Variants in KCND3 observed in about 807,000 individuals in gnomAD.
KCND3 encodes the protein potassium voltage-gated channel subfamily D member 3.
In KCND3, 9 loss-of-function variants were observed where a neutral mutation model predicts 51.1. The ratio of observed to expected loss-of-function variants is 0.18; its 90% CI spans 0.11 to 0.31. KCND3 has a LOEUF of 0.31. Among genes scored for constraint, KCND3 ranks in the 10% least tolerant of loss-of-function variants. KCND3 has a pLI of 1.00. For missense variants in KCND3, 526 were observed against 903.8 expected (o/e 0.58, Z 5.36); for synonymous variants, 349 against 368.0 (o/e 0.95, Z 0.59).
chr1:111,986,540 C>G (rs560019622), intron 1 of KCND3, among the ~76,000 whole-genome samples: 1 of 152,318 alleles, frequency 6.6e-6, no homozygotes, highest in African/African-American at 2.4e-5. Flanking sequence ...CAGTTTCAGT[C>G]CCATCCTCAA....
At chr1:111,976,523 T>TATCAAG (rs1674635838) in intron 2 of KCND3, among the ~76,000 whole-genome samples, 2 of 152,358 alleles carry the variant, frequency 1.3e-5, no homozygotes, top group South Asian at 4.1e-4. Flanking sequence ...GAACAAATAC[T>TATCAAG]TATTGAGACA....
intron 2 of KCND3, among the ~76,000 whole-genome samples, chr1:111,811,852 C>T (rs1039723087): frequency 1.3e-5 from 2 of 152,172 alleles, no homozygotes; most frequent in Non-Finnish European, 2.9e-5. Context: ...AGTTTGGGGC[C>T]TGGAGAATTT....
chr1:111,804,251 T>C (rs1485418569), intron 2 of KCND3, among the ~76,000 whole-genome samples: 1 of 152,266 alleles, frequency 6.6e-6, no homozygotes, highest in Non-Finnish European at 1.5e-5. Context: ...TCTTTAGCCC[T>C]GGCAGCATGC....
chr1:111,824,610 G>T (rs1666494110), intron 2 of KCND3, among the ~76,000 whole-genome samples: 1 of 152,074 alleles, frequency 6.6e-6, no homozygotes, highest in Non-Finnish European at 1.5e-5. Context: ...ACATAGAAAT[G>T]GACCCTCTTG....
At chr1:111,792,188 G>A (rs1263775744) in intron 2 of KCND3, among the ~76,000 whole-genome samples, 1 of 152,246 alleles carries the variant, frequency 6.6e-6, no homozygotes, top group African/African-American at 2.4e-5. Context: ...GGGAATGGAA[G>A]AATGGAAAGG....
At chr1:111,841,262 A>T (rs1266077366) in intron 2 of KCND3, among the ~76,000 whole-genome samples, 1 of 152,194 alleles carries the variant, frequency 6.6e-6, no homozygotes, top group Non-Finnish European at 1.5e-5. Context: ...TGGCTCACAG[A>T]TTCAGACAAG....
At chr1:111,811,976 C>T (rs1665873218) in intron 2 of KCND3, among the ~76,000 whole-genome samples, 1 of 152,176 alleles carries the variant, frequency 6.6e-6, no homozygotes, top group Non-Finnish European at 1.5e-5. Context: ...CCAGTGAGAG[C>T]ATTCCTTGCA....
At chr1:111,973,724 C>T (rs114506788) in intron 2 of KCND3, among the ~76,000 whole-genome samples, 187 of 152,348 alleles carry the variant, frequency 1.2e-3, no homozygotes, top group African/African-American at 3.8e-3. Flanking sequence ...AAGAATGGAG[C>T]CAGCCTCCCA....
At chr1:111,824,328 C>G (rs1453551336) in intron 2 of KCND3, among the ~76,000 whole-genome samples, 6 of 152,160 alleles carry the variant, frequency 3.9e-5, no homozygotes, top group Admixed American at 3.9e-4. Flanking sequence ...AAATCACCCT[C>G]CCTCCCTGAC....
intron 2 of KCND3, among the ~76,000 whole-genome samples, chr1:111,790,211 G>A (rs1664769579): frequency 6.6e-6 from 1 of 152,150 alleles, no homozygotes; most frequent in Non-Finnish European, 1.5e-5. Flanking sequence ...TTACCAACTA[G>A]TTAAGTGACC....
At chr1:111,802,522 C>T (rs147661292) in intron 2 of KCND3, among the ~76,000 whole-genome samples, 29 of 152,320 alleles carry the variant, frequency 1.9e-4, no homozygotes, top group African/African-American at 6.5e-4. Flanking sequence ...AGCTTTAGAT[C>T]CTTCAGCTGT....
At position 111,921,997 on chromosome 1, in the gene KCND3, G is replaced by A. The variant is rs749305469; in HGVS notation, c.1106+59624C>T. 9.2e-5 allele frequency among the ~76,000 whole-genome samples: 14 copies of A among 152,244 alleles called. No homozygotes were observed. In the East Asian group the frequency reaches 9.6e-4, roughly 10 times the overall value. ...AAGCAATGATTTAAAAAATTTTAAC[G>A]CTACTGCAACAGCCACGGTGTTCTC... is the stretch of plus-strand genomic sequence containing the variant. On this transcript the variant is annotated intron_variant, in intron 2 of 7. Transcript: ENST00000302127.
intron 2 of KCND3, among the ~76,000 whole-genome samples, chr1:111,945,267 C>T (rs1212193445): frequency 6.6e-6 from 1 of 152,196 alleles, no homozygotes; most frequent in East Asian, 1.9e-4. Flanking sequence ...CCCCAGGTGG[C>T]AACTTCATGT....
At chr1:111,988,295 A>G (rs1675403972) in intron 1 of KCND3, among the ~76,000 whole-genome samples, 1 of 152,156 alleles carries the variant, frequency 6.6e-6, no homozygotes, top group Non-Finnish European at 1.5e-5. Flanking sequence ...CTTGGGGGAC[A>G]GGCTTGGGAC....
chr1:111,811,476 G>A lies in KCND3; in HGVS notation c.1107-24370C>T, dbSNP rs142715150. ...GAAATACGCAGAAAAGCTGTGAGGG[G>A]TCTGTCCCTCCCTTACCTGGGTGTG... On this transcript the variant is annotated intron_variant, in intron 2 of 7. Coordinates refer to ENST00000302127, the MANE Select transcript of KCND3 (RefSeq NM_001378969.1). Among the ~76,000 whole-genome samples, 89 of 152,312 alleles carry A rather than the reference G, an allele frequency of 5.8e-4. 1 individual carries two copies. The highest frequency in any genetic ancestry group is 2.1e-3 in the African/African-American group (86 of 41,564).
At chr1:111,829,225 C>T (rs1571704788) in intron 2 of KCND3, among the ~76,000 whole-genome samples, 1 of 152,128 alleles carries the variant, frequency 6.6e-6, no homozygotes, top group South Asian at 2.1e-4. Context: ...TATGGGGCGA[C>T]CTAAAATGAA....
At chr1:111,817,487 C>T (rs1666152217) in intron 2 of KCND3, among the ~76,000 whole-genome samples, 2 of 152,114 alleles carry the variant, frequency 1.3e-5, no homozygotes, top group African/African-American at 2.4e-5. Context: ...GACCCGACAC[C>T]GACCCAAATG....
chr1:111,798,485 G>A (rs1665156302), intron 2 of KCND3, among the ~76,000 whole-genome samples: 1 of 152,022 alleles, frequency 6.6e-6, no homozygotes, highest in Admixed American at 6.6e-5. Context: ...ATTGAAATAA[G>A]AGCAATCTGA....
At chr1:111,789,815 G>A (rs1664754857) in intron 2 of KCND3, among the ~76,000 whole-genome samples, 2 of 152,204 alleles carry the variant, frequency 1.3e-5, no homozygotes. Flanking sequence ...TCAGGAGACT[G>A]CTCCAGACCT....
Sources: allele counts gnomAD v4.1 joint callset (sites outside exome capture counted in the v4.1 genomes callset), GRCh38; gene constraint gnomAD v4.1.1; transcripts MANE v1.5; gene names NCBI Gene and HGNC (gene_info 2026-07-23, HGNC 2026-07-21).